The following ALKBH5 variants were observed in gnomAD, a reference collection of about 807,000 sequenced individuals.
The protein encoded by ALKBH5 is RNA demethylase ALKBH5.
A neutral mutation model predicts 32.1 loss-of-function variants in ALKBH5; 2 were observed. The observed-to-expected ratio is 0.06, with a 90% CI of 0.03 to 0.20. The LOEUF (loss-of-function observed/expected upper bound fraction) is 0.20, where lower values mean the gene tolerates loss of function less well. ALKBH5 is among the 10% of genes least tolerant of loss of function. ALKBH5 has a pLI of 1.00. For missense variants in ALKBH5, 352 were observed against 559.5 expected (o/e 0.63, Z 3.74); for synonymous variants, 300 against 231.7 (o/e 1.29, Z -2.68).
chr17:18,191,409 A>T (rs1418204345), intron 1 of ALKBH5, among the ~76,000 whole-genome samples: 2 of 152,174 alleles, frequency 1.3e-5, no homozygotes, highest in African/African-American at 4.8e-5. Flanking sequence ...AGTTCTTCCA[A>T]GGCCTGGGCT....
chr17:18,187,109 C>T (rs1222957607), intron 1 of ALKBH5, among the ~76,000 whole-genome samples: 1 of 152,008 alleles, frequency 6.6e-6, no homozygotes, highest in East Asian at 1.9e-4. Context: ...CCATGGAGGC[C>T]TCAGACAGGA....
Position 18,184,164 on chromosome 17 carries a change from G to GC in ALKBH5, c.-76dup, listed in dbSNP as rs1210570559. 1.6e-6 allele frequency: 2 copies of GC among 1,282,698 alleles called. No homozygotes were observed. Among genetic ancestry groups the GC allele is most frequent in the African/African-American group, 3.1e-5 (2 of 63,622 alleles). 79.5% of individuals were successfully genotyped at this position (1,282,698 alleles called of 1,614,324 possible). A position where few individuals can be genotyped will look rare whatever the true frequency, so the allele number is the denominator to read the frequency against. On this transcript the variant is annotated 5_prime_UTR_variant, in exon 1 of 4. Transcript: ENST00000399138. ...GCTAAGGACCCCCCTCCCTCCGGGG[G>GC]CCCCGGGGCGCGTCCCCTTAGAGCC...
intron 1 of ALKBH5, among the ~76,000 whole-genome samples, chr17:18,191,063 T>C (rs890506398): frequency 1.3e-5 from 2 of 152,190 alleles, no homozygotes; most frequent in Admixed American, 6.5e-5. Context: ...TCCTGGAACT[T>C]TTCATGCCAG....
In ALKBH5 at chr17:18,201,779, A is replaced by ATAGATAGATAGG. The variant is rs1567676613; in HGVS notation, c.852-5029_852-5028insATAGGTAGATAG. ...GATAGATAGATAGATAGATAGATAG[A>ATAGATAGATAGG]TAGATAGGATAGATAAGATAGATAG... On this transcript the variant is annotated intron_variant, in intron 2 of 3. Coordinates refer to ENST00000399138, the MANE Select transcript of ALKBH5 (RefSeq NM_017758.4). Among the ~76,000 whole-genome samples, 7 of 110,726 alleles carry ATAGATAGATAGG rather than the reference A, an allele frequency of 6.3e-5. No homozygotes were observed. In the South Asian group the frequency reaches 1.3e-3, roughly 21 times the overall value. The allele number at this position is 110,726 out of a possible 152,430, so 72.6% of individuals were successfully genotyped here. A position where few individuals can be genotyped will look rare whatever the true frequency, so the allele number is the denominator to read the frequency against.
rs547706686 is a variant in ALKBH5 at position 18,186,555 on chromosome 17, A to AT, written c.770+1551dup. Among the ~76,000 whole-genome samples, 203 of 150,604 alleles carry AT rather than the reference A, an allele frequency of 1.3e-3. 1 individual carries two copies. The highest frequency in any genetic ancestry group is 0.011 in the South Asian group (52 of 4,738). On this transcript the variant is annotated intron_variant, in intron 1 of 3. Coordinates refer to ENST00000399138, the MANE Select transcript of ALKBH5 (RefSeq NM_017758.4). ...GTGCTTAATGAGGGGATCACAAGGC[A>AT]TTTTTTTTTGGTTTTGGGACTACTA...
chr17:18,207,595 G>A (rs768922970), intron 3 of ALKBH5, among the ~76,000 whole-genome samples: 52 of 152,096 alleles, frequency 3.4e-4, no homozygotes, highest in African/African-American at 1.2e-3. Context: ...CCTGGGAGGC[G>A]GAGCTGGCAG....
chr17:18,188,918 C>G (rs2047156189), intron 1 of ALKBH5, among the ~76,000 whole-genome samples: 1 of 151,742 alleles, frequency 6.6e-6, no homozygotes, highest in African/African-American at 2.4e-5. Context: ...AATACAAAAA[C>G]TAGCCGGGCA....
rs900946343 is a variant in ALKBH5, at chr17:18,183,919, G to A, written c.-325G>A. The A allele has an allele frequency of 1.0e-4, 55 of 535,588 alleles. No individual in the cohort carries two copies. Among genetic ancestry groups the A allele is most frequent in the African/African-American group, 1.0e-3 (51 of 49,838 alleles). The allele number at this position is 535,588 out of a possible 1,614,324, so 33.2% of individuals were successfully genotyped here. On this transcript the variant is annotated 5_prime_UTR_variant, in exon 1 of 4. Transcript: ENST00000399138. ...CTTTAAAGTGCGGGCCGGGCCGGGC[G>A]TCCGAGGGTCTGGTCGGGAGTCGGG... is the stretch of plus-strand genomic sequence containing the variant.
chr17:18,204,382 C>T (rs530675196), intron 2 of ALKBH5, among the ~76,000 whole-genome samples: 16 of 150,754 alleles, frequency 1.1e-4, no homozygotes, highest in African/African-American at 3.4e-4. Context: ...ACGCGGGAGG[C>T]GGAGGTTGCA....
chr17:18,201,775 A>ATAGAT (rs2047238104), intron 2 of ALKBH5, among the ~76,000 whole-genome samples: 1 of 141,770 alleles, frequency 7.1e-6, no homozygotes, highest in South Asian at 2.4e-4. Context: ...AGATAGATAG[A>ATAGAT]TAGATAGATA....
rs2047292953 is a variant in ALKBH5, at chr17:18,209,617, GTCT to G, written c.*1226_*1228del. ...TTGTGGATCTAGATTCATTAGGAAT[GTCT>G]TCTTGTCAGCCAGGCCAGGACCCGG... On this transcript the variant is annotated 3_prime_UTR_variant, in exon 4 of 4. Transcript: ENST00000399138. 1 of 152,266 alleles carries G rather than the reference GTCT, an allele frequency of 6.6e-6. No homozygotes were observed. The highest frequency in any genetic ancestry group is 1.5e-5 in the Non-Finnish European group (1 of 68,060). 9.4% of individuals were successfully genotyped at this position (152,266 alleles called of 1,614,324 possible).
chr17:18,186,119 G>T (rs1267635390), intron 1 of ALKBH5, among the ~76,000 whole-genome samples: 4 of 152,226 alleles, frequency 2.6e-5, no homozygotes, highest in Non-Finnish European at 5.9e-5. Context: ...TCTAACAGCT[G>T]AGGCTGCTTC....
At position 18,184,074 on chromosome 17, in the gene ALKBH5, C is replaced by A; in HGVS notation, c.-170C>A. ...TTGCATGACCCGCCGCTCCTGAGGC[C>A]CTACCCCACGCCCGGACCCTCGACG... On this transcript the variant is annotated 5_prime_UTR_variant, in exon 1 of 4. Coordinates refer to ENST00000399138, the MANE Select transcript of ALKBH5 (RefSeq NM_017758.4). The A allele has an allele frequency of 1.4e-6, 1 of 690,886 alleles. No individual in the cohort carries two copies. 42.8% of individuals were successfully genotyped at this position (690,886 alleles called of 1,614,324 possible). A position where few individuals can be genotyped will look rare whatever the true frequency, so the allele number is the denominator to read the frequency against.
chr17:18,184,205 G>T lies in ALKBH5; in HGVS notation c.-39G>T, dbSNP rs574095180. On this transcript the variant is annotated 5_prime_UTR_variant, in exon 1 of 4. Coordinates refer to ENST00000399138, the MANE Select transcript of ALKBH5 (RefSeq NM_017758.4). ...CCTTAGAGCCATGCCCGGCTGCCCC[G>T]CCCGCCCCGGAGGACCCTAGAGCAG... 2 of 1,454,134 alleles carry T rather than the reference G, an allele frequency of 1.4e-6. No individual in the cohort carries two copies. The highest frequency in any genetic ancestry group is 1.5e-5 in the African/African-American group (1 of 66,766). The allele number at this position is 1,454,134 out of a possible 1,614,324, so 90.1% of individuals were successfully genotyped here. A position where few individuals can be genotyped will look rare whatever the true frequency, so the allele number is the denominator to read the frequency against.
Position 18,184,669 on chromosome 17 carries a change from C to T in ALKBH5, c.426C>T (p.Gly142=), listed in dbSNP as rs1402417343. The T allele has an allele frequency of 1.9e-6, 3 of 1,612,708 alleles. No individual in the cohort carries two copies. Among genetic ancestry groups the T allele is most frequent in the South Asian group, 2.2e-5 (2 of 91,082 alleles). Residue 142 remains glycine (G), a synonymous_variant, in exon 1 of 4, where the codon GGC becomes GGT. Coordinates refer to ENST00000399138, the MANE Select transcript of ALKBH5 (RefSeq NM_017758.4). ...TCTTCGGCGAAGGCTACACTTACGG[C>T]GCCCAGCTGCAGAAGCGCGGGCCCG... ...KYFFGEGYTY[G]AQLQKRGPGQ...
chr17:18,185,047 C>T, intron 1 of ALKBH5, 34 bp downstream of exon 1: 1 of 1,585,400 alleles, frequency 6.3e-7, no homozygotes, highest in Non-Finnish European at 8.6e-7. Flanking sequence ...CGGCCCTGCG[C>T]CTGCTGCCTT....
chr17:18,192,854 C>CTTTTTTTTTTTTT (rs201150139), intron 1 of ALKBH5, among the ~76,000 whole-genome samples: 2 of 115,584 alleles, frequency 1.7e-5, no homozygotes, highest in Non-Finnish European at 3.4e-5. Context: ...CTGTCTTTTT[C>CTTTTTTTTTTTTT]TTTTTTTTTT....
chr17:18,187,089 A>T (rs1402710381), intron 1 of ALKBH5, among the ~76,000 whole-genome samples: 1 of 152,102 alleles, frequency 6.6e-6, no homozygotes, highest in African/African-American at 2.4e-5. Flanking sequence ...CCCTTCGTGT[A>T]GTTCAAGCCC....
At chr17:18,190,550 G>C (rs1404166070) in intron 1 of ALKBH5, among the ~76,000 whole-genome samples, 1 of 121,898 alleles carries the variant, frequency 8.2e-6, no homozygotes, top group Non-Finnish European at 1.7e-5. Context: ...CTCTGTTTCC[G>C]AAAAAAAAAA....
Sources: gnomAD v4.1 joint callset for allele counts (sites outside exome capture counted in the v4.1 genomes callset) on GRCh38, gnomAD v4.1.1 for gene constraint, MANE v1.5 for transcripts, NCBI Gene and HGNC (gene_info 2026-07-23, HGNC 2026-07-21) for gene names.